DAPK2: variants seen among roughly 807,000 people sequenced by gnomAD.
DAPK2 encodes the protein death-associated protein kinase 2.
A neutral mutation model predicts 44.1 loss-of-function variants in DAPK2; 35 were observed. That is an observed-to-expected ratio of 0.79 (90% CI 0.61 to 1.05). DAPK2 has a LOEUF of 1.05. Ranked by LOEUF, DAPK2 falls within the 50% of genes least tolerant of loss-of-function variation. The pLI is 0.00. For synonymous variants in DAPK2, 174 were observed against 182.6 expected, an observed-to-expected ratio of 0.95 and a Z score of 0.38; for missense variants, 453 against 483.2, an observed-to-expected ratio of 0.94 and a Z score of 0.59.
At chr15:63,977,113 A>C (rs12905193) in intron 2 of DAPK2, among the ~76,000 whole-genome samples, 8 of 146,784 alleles carry the variant, frequency 5.5e-5, no homozygotes, top group Admixed American at 3.4e-4. Flanking sequence ...AGAGAAGGGG[A>C]AGGGGGAAGG....
chr15:63,943,938 A>C (rs2077383777), intron 3 of DAPK2, among the ~76,000 whole-genome samples: 1 of 152,106 alleles, frequency 6.6e-6, no homozygotes, highest in Non-Finnish European at 1.5e-5. Flanking sequence ...CTGGCCTGGC[A>C]ACCTGGGGCA....
rs2141031478 is a variant in DAPK2, at chr15:64,013,259, G to A, written c.92+26911C>T. On this transcript the variant is annotated intron_variant, in intron 1 of 10. Coordinates refer to ENST00000261891, the Ensembl canonical transcript of DAPK2. The surrounding 1 kb of genome is among the most constrained non-coding windows in gnomAD (Gnocchi z 4.7). ...TGTTCTGCATGGGATTATGGAAATG[G>A]GGTAACCTGCCATTATCTTTATACA... 6.6e-6 allele frequency among the ~76,000 whole-genome samples: 1 copy of A among 152,300 alleles called. No individual in the cohort carries two copies. Among genetic ancestry groups the A allele is most frequent in the South Asian group, 2.1e-4 (1 of 4,820 alleles).
Position 63,908,875 on chromosome 15 carries a change from A to C in DAPK2, c.1033-275T>G. ...GCCAAATTATAATAAAGAAAATTAC[A>C]TCTAGTTCCCTTTGTGGCTGCCATA... is the stretch of plus-strand genomic sequence containing the variant. On this transcript the variant is annotated intron_variant, in intron 10 of 10. Coordinates refer to ENST00000261891, the Ensembl canonical transcript of DAPK2. This position sits in a 1 kb window ranked among gnomAD's most constrained non-coding sequence, Gnocchi z 5.7. The C allele has an allele frequency of 4.1e-6, 1 of 244,382 alleles. No homozygotes were observed. 15.1% of individuals were successfully genotyped at this position (244,382 alleles called of 1,614,324 possible). A position where few individuals can be genotyped will look rare whatever the true frequency, so the allele number is the denominator to read the frequency against.
intron 3 of DAPK2, among the ~76,000 whole-genome samples, chr15:63,957,255 A>G (rs2077750105): frequency 6.6e-6 from 1 of 152,054 alleles, no homozygotes; most frequent in South Asian, 2.1e-4. Flanking sequence ...TTTAGTTTCC[A>G]TTGGCCTGGA....
In DAPK2 at chr15:64,031,295, C is replaced by A. The variant is rs575624836; in HGVS notation, c.92+8875G>T. ...TCGCCCAGGCAGGAGTGTAGTGGTG[C>A]AATCACAGCTCACTGCAGCTTCAAC... On this transcript the variant is annotated intron_variant, in intron 1 of 10. Coordinates refer to ENST00000261891, the Ensembl canonical transcript of DAPK2. Among the ~76,000 whole-genome samples, 4 of 151,364 alleles carry A rather than the reference C, an allele frequency of 2.6e-5. No homozygotes were observed. In the South Asian group the frequency reaches 6.3e-4, roughly 24 times the overall value.
intron 1 of DAPK2, among the ~76,000 whole-genome samples, chr15:64,033,577 A>G (rs1257851195): frequency 1.3e-5 from 2 of 152,144 alleles, no homozygotes; most frequent in African/African-American, 4.8e-5. Flanking sequence ...CCACACACAC[A>G]CTTGCTTAAC....
At chr15:63,933,693 G>A (rs2077044133) in intron 4 of DAPK2, among the ~76,000 whole-genome samples, 1 of 151,218 alleles carries the variant, frequency 6.6e-6, no homozygotes, top group Non-Finnish European at 1.5e-5. Context: ...CAACCCCCTA[G>A]GGTTAAGCGA....
rs74021204 is a variant in DAPK2 at position 63,937,345 on chromosome 15, T to C, written c.583+1887A>G. Among the ~76,000 whole-genome samples, 680 of 151,696 alleles carry C rather than the reference T, an allele frequency of 4.5e-3. 3 individuals carry two copies. Among genetic ancestry groups the C allele is most frequent in the African/African-American group, 0.016 (654 of 41,364 alleles). On this transcript the variant is annotated intron_variant, in intron 4 of 10. Coordinates refer to ENST00000261891, the Ensembl canonical transcript of DAPK2. Reference sequence around the variant, plus strand: ...TTGGCCAATGCTATAAATTAGGGAATTTTTTTTTGAGACCTGGTTATTGGA... The same window carrying C: ...TTGGCCAATGCTATAAATTAGGGAACTTTTTTTTGAGACCTGGTTATTGGA...
chr15:63,994,383 G>A (rs192746080), intron 1 of DAPK2, among the ~76,000 whole-genome samples: 1 of 150,880 alleles, frequency 6.6e-6, no homozygotes, highest in Non-Finnish European at 1.5e-5. Context: ...GATTGTTTTT[G>A]ATTAGAAAAA....
At chr15:64,007,021 G>A (rs1395558403) in intron 1 of DAPK2, among the ~76,000 whole-genome samples, 2 of 152,028 alleles carry the variant, frequency 1.3e-5, no homozygotes, top group Non-Finnish European at 2.9e-5. Context: ...GGCAGTGGTG[G>A]GCCCACCCTC....
chr15:64,026,269 T>C (rs1239628211), intron 1 of DAPK2, among the ~76,000 whole-genome samples: 1 of 151,764 alleles, frequency 6.6e-6, no homozygotes, highest in Non-Finnish European at 1.5e-5. Flanking sequence ...TTTAAGGCAG[T>C]CTCTCATTCT....
intron 1 of DAPK2, among the ~76,000 whole-genome samples, chr15:64,036,301 G>GTATATA (rs1368698625): frequency 2.0e-3 from 86 of 43,252 alleles, no homozygotes; most frequent in African/African-American, 3.2e-3. Context: ...GTGTGTGTGT[G>GTATATA]TGTGTGTGTA....
At position 64,013,883 on chromosome 15, in the gene DAPK2, C is replaced by G. The variant is rs577121073; in HGVS notation, c.92+26287G>C. ...ATTATGAGCAGATAGAAATCTCCTG[C>G]TTCAGGACTAATTAGTCATTTCACT... On this transcript the variant is annotated intron_variant, in intron 1 of 10. Transcript: ENST00000261891. This position sits in a 1 kb window ranked among gnomAD's most constrained non-coding sequence, Gnocchi z 4.7. Among the ~76,000 whole-genome samples the G allele has an allele frequency of 3.3e-5, 5 of 152,338 alleles. No individual in the cohort carries two copies. The highest frequency in any genetic ancestry group is 1.2e-4 in the African/African-American group (5 of 41,578).
chr15:64,008,025 G>A (rs1567269893), intron 1 of DAPK2, among the ~76,000 whole-genome samples: 1 of 152,174 alleles, frequency 6.6e-6, no homozygotes, highest in Non-Finnish European at 1.5e-5. Flanking sequence ...GGGTTTGGGA[G>A]AAGCAGAGAG....
chr15:63,938,396 C>T (rs1300475379), intron 4 of DAPK2, among the ~76,000 whole-genome samples: 1 of 152,212 alleles, frequency 6.6e-6, no homozygotes, highest in Non-Finnish European at 1.5e-5. Context: ...GGCTTCCTGC[C>T]CTGGGATCTG....
intron 8 of DAPK2, among the ~76,000 whole-genome samples, chr15:63,914,222 G>A (rs538644803): frequency 5.3e-5 from 8 of 151,104 alleles, no homozygotes; most frequent in East Asian, 2.0e-4. Context: ...GTACAGCTCC[G>A]GGGCGGGGGG....
chr15:63,979,651 G>T (rs2078447913), intron 2 of DAPK2, among the ~76,000 whole-genome samples: 1 of 152,172 alleles, frequency 6.6e-6, no homozygotes, highest in Non-Finnish European at 1.5e-5. Context: ...GGTGGCTCAT[G>T]CCTGTAATCC....
chr15:63,987,746 C>A (rs561519686), intron 1 of DAPK2, among the ~76,000 whole-genome samples: 3 of 152,328 alleles, frequency 2.0e-5, no homozygotes, highest in Admixed American at 2.0e-4. Flanking sequence ...GAAGCCCTTT[C>A]TCTTCACTCT....
chr15:64,032,542 C>G (rs899120502), intron 1 of DAPK2, among the ~76,000 whole-genome samples: 1 of 152,170 alleles, frequency 6.6e-6, no homozygotes, highest in African/African-American at 2.4e-5. Flanking sequence ...CCTGCCCCTG[C>G]TTAGCACTTG....
Sources: allele counts gnomAD v4.1 joint callset (sites outside exome capture counted in the v4.1 genomes callset), GRCh38; gene constraint gnomAD v4.1.1; non-coding constraint Gnocchi (gnomAD v3.1); transcripts MANE v1.5; gene names NCBI Gene and HGNC (gene_info 2026-07-23, HGNC 2026-07-21).